Variants in CIRSR observed in about 807,000 individuals in gnomAD.
CIRSR encodes corepressor of RBPJ and splicing regulator, also known as CBF1 (RBPJ) interacting corepressor 1.
At chr2:174,378,793 T>C in the CIRSR span, 3 of 739,816 alleles carry the variant, frequency 4.1e-6, no homozygotes, top group South Asian at 4.3e-5. Flanking sequence ...GGAATGGTCT[T>C]AGTCAAAAAC....
chr2:174,375,233 T>C, the CIRSR span, among the ~76,000 whole-genome samples: 1 of 152,230 alleles, frequency 6.6e-6, no homozygotes, highest in Non-Finnish European at 1.5e-5. Flanking sequence ...AAGGTATGCA[T>C]GTTTTTCAGG....
chr2:174,377,842 A>AAAAC, the CIRSR span, among the ~76,000 whole-genome samples: 1 of 151,518 alleles, frequency 6.6e-6, no homozygotes, highest in Admixed American at 6.6e-5. Context: ...AAAAAAAAAA[A>AAAAC]AAAAACCAAA....
the CIRSR span, chr2:174,348,664 C>T: frequency 6.2e-7 from 1 of 1,614,194 alleles, no homozygotes; most frequent in Middle Eastern, 1.6e-4. Flanking sequence ...TTGTAACTAC[C>T]AGGACTTCTG....
At chr2:174,377,525 G>C in the CIRSR span, among the ~76,000 whole-genome samples, 1 of 152,012 alleles carries the variant, frequency 6.6e-6, no homozygotes, top group Non-Finnish European at 1.5e-5. Context: ...CTACTTAAAA[G>C]GTGGTTACTG....
At chr2:174,383,719 CAAA>C in the CIRSR span, among the ~76,000 whole-genome samples, 14 of 83,122 alleles carry the variant, frequency 1.7e-4, no homozygotes, top group South Asian at 4.0e-4. Context: ...GACTCCGTCT[CAAA>C]AAAAAAAAAA....
the CIRSR span, among the ~76,000 whole-genome samples, chr2:174,395,363 G>A: frequency 1.3e-5 from 2 of 152,228 alleles, no homozygotes; most frequent in Admixed American, 6.5e-5. Flanking sequence ...CGCTGTTGCA[G>A]AATAAACGCT....
At chr2:174,359,979 A>C in the CIRSR span, among the ~76,000 whole-genome samples, 2 of 152,158 alleles carry the variant, frequency 1.3e-5, no homozygotes, top group Admixed American at 1.3e-4. Flanking sequence ...CAAACACCGC[A>C]TGTTCTCACT....
At chr2:174,377,845 A>C in the CIRSR span, among the ~76,000 whole-genome samples, 1 of 151,578 alleles carries the variant, frequency 6.6e-6, no homozygotes, top group South Asian at 2.1e-4. Context: ...AAAAAAAAAA[A>C]AACCAAACTT....
chr2:174,357,681 T>C, the CIRSR span, among the ~76,000 whole-genome samples: 1 of 152,160 alleles, frequency 6.6e-6, no homozygotes, highest in Non-Finnish European at 1.5e-5. Flanking sequence ...GAGGGAGATA[T>C]GTGTCTAATG....
the CIRSR span, among the ~76,000 whole-genome samples, chr2:174,361,538 G>C: frequency 6.6e-6 from 1 of 152,236 alleles, no homozygotes; most frequent in Non-Finnish European, 1.5e-5. Flanking sequence ...TTTATGAAAA[G>C]ATGGAGGAGA....
the CIRSR span, chr2:174,381,787 A>C: frequency 1.1e-5 from 17 of 1,558,414 alleles, no homozygotes; most frequent in Non-Finnish European, 1.5e-5. Flanking sequence ...TCTAAGTGAA[A>C]CAAGACAAAG....
At chr2:174,373,427 A>T in the CIRSR span, among the ~76,000 whole-genome samples, 9 of 152,334 alleles carry the variant, frequency 5.9e-5, no homozygotes, top group Middle Eastern at 6.8e-3. Context: ...TTAATACAGG[A>T]GTACAAAGGA....
At chr2:174,354,539 ATATATATTATATTATATATATTT>A in the CIRSR span, among the ~76,000 whole-genome samples, 1 of 53,460 alleles carries the variant, frequency 1.9e-5, no homozygotes, top group African/African-American at 7.0e-5. Context: ...ATATTATATA[ATATATATTATATTATATATATTT>A]TATATATTAT....
chr2:174,377,358 A>G, the CIRSR span, among the ~76,000 whole-genome samples: 1 of 152,122 alleles, frequency 6.6e-6, no homozygotes, highest in South Asian at 2.1e-4. Flanking sequence ...GCTGGGGGCA[A>G]GGGAGGAGGA....
the CIRSR span, among the ~76,000 whole-genome samples, chr2:174,363,875 G>A: frequency 2.0e-5 from 3 of 152,078 alleles, no homozygotes; most frequent in African/African-American, 4.8e-5. Flanking sequence ...GATCTGGGTG[G>A]GGACACGGCC....
At chr2:174,379,780 A>G in the CIRSR span, among the ~76,000 whole-genome samples, 3 of 134,796 alleles carry the variant, frequency 2.2e-5, no homozygotes, top group Non-Finnish European at 4.6e-5. Context: ...CTGGAGTGCA[A>G]TGGTGCAGTC....
the CIRSR span, among the ~76,000 whole-genome samples, chr2:174,368,319 G>A: frequency 6.6e-6 from 1 of 151,950 alleles, no homozygotes; most frequent in Non-Finnish European, 1.5e-5. Context: ...CCACATTCTG[G>A]GCCATATGAC....
chr2:174,380,677 T>C, the CIRSR span: 1 of 1,612,702 alleles, frequency 6.2e-7, no homozygotes. Context: ...CTTTCTGCCA[T>C]TCAAATTTGT....
chr2:174,395,352 T>C, the CIRSR span, among the ~76,000 whole-genome samples: 1 of 152,226 alleles, frequency 6.6e-6, no homozygotes, highest in Non-Finnish European at 1.5e-5. Flanking sequence ...ACCGGTCTCC[T>C]CGCTGTTGCA....
Sources: gnomAD v4.1 joint callset for allele counts (sites outside exome capture counted in the v4.1 genomes callset) on GRCh38, gnomAD v4.1.1 for gene constraint, MANE v1.5 for transcripts, NCBI Gene and HGNC (gene_info 2026-07-23, HGNC 2026-07-21) for gene names.